Variants in LRRC7 observed in about 807,000 individuals in gnomAD.
LRRC7 encodes the protein leucine-rich repeat-containing protein 7.
In LRRC7, 23 loss-of-function variants were observed where a neutral mutation model predicts 175.7. The observed-to-expected ratio is 0.13, with a 90% confidence interval of 0.09 to 0.19. LRRC7 has a LOEUF of 0.19. Among genes scored for constraint, LRRC7 ranks in the 10% least tolerant of loss-of-function variants. LRRC7 has a pLI of 1.00. For synonymous variants in LRRC7, 685 were observed against 680.9 expected (o/e 1.01, Z -0.09); for missense variants, 1,354 against 1,904.7 (o/e 0.71, Z 5.38).
At chr1:69,815,461 G>A (rs1394013479) in intron 4 of LRRC7, among the ~76,000 whole-genome samples, 1 of 151,988 alleles carries the variant, frequency 6.6e-6, no homozygotes, top group Non-Finnish European at 1.5e-5. Context: ...CCACCTGTTT[G>A]GTAAGAACAA....
At chr1:69,773,435 G>T (rs1014945083) in intron 3 of LRRC7, among the ~76,000 whole-genome samples, 3 of 152,200 alleles carry the variant, frequency 2.0e-5, no homozygotes, top group African/African-American at 4.8e-5. Context: ...GAAATGCTGT[G>T]AGCTGAAAGG....
chr1:69,798,189 G>A (rs1676031591), intron 4 of LRRC7, among the ~76,000 whole-genome samples: 1 of 152,004 alleles, frequency 6.6e-6, no homozygotes, highest in Admixed American at 6.6e-5. Flanking sequence ...CAAAGTGCTG[G>A]GATTACAGGC....
intron 7 of LRRC7, among the ~76,000 whole-genome samples, chr1:69,856,707 C>T (rs1195267537): frequency 6.6e-6 from 1 of 152,180 alleles, no homozygotes; most frequent in Non-Finnish European, 1.5e-5. Flanking sequence ...GGTACCATTC[C>T]TTCTGAAACT....
At chr1:69,668,453 T>G (rs1460661358) in intron 1 of LRRC7, among the ~76,000 whole-genome samples, 1 of 152,206 alleles carries the variant, frequency 6.6e-6, no homozygotes, top group Admixed American at 6.5e-5. Context: ...GTTTCATCCA[T>G]GTCCCTGCAA....
rs1292036234 is a variant in LRRC7 at position 70,129,136 on chromosome 1, A to G, written c.*7249A>G. On this transcript the variant is annotated 3_prime_UTR_variant, in exon 27 of 27. Transcript: ENST00000651989. ...GTGGCGCGCACCTGTAATCCTAGTTACTGGGGAGGCTGAGGCAGGAGAATT... is the reference window on the plus strand; with the variant it reads ...GTGGCGCGCACCTGTAATCCTAGTTGCTGGGGAGGCTGAGGCAGGAGAATT... Among the ~76,000 whole-genome samples, 1 of 151,852 alleles carries G rather than the reference A, an allele frequency of 6.6e-6. No individual in the cohort carries two copies. Among genetic ancestry groups the G allele is most frequent in the Non-Finnish European group, 1.5e-5 (1 of 67,988 alleles).
chr1:70,079,735 G>C (rs1571265047), intron 24 of LRRC7, among the ~76,000 whole-genome samples: 1 of 152,272 alleles, frequency 6.6e-6, no homozygotes. Context: ...CTGTAGAGTT[G>C]CATAAGGTCC....
chr1:69,694,379 A>G (rs1165112531), intron 2 of LRRC7, among the ~76,000 whole-genome samples: 1 of 151,824 alleles, frequency 6.6e-6, no homozygotes, highest in Admixed American at 6.6e-5. Context: ...AATTGCTCTC[A>G]CTCTGGACTT....
At chr1:69,916,832 CAAAT>C (rs1441466190) in intron 7 of LRRC7, among the ~76,000 whole-genome samples, 1 of 151,816 alleles carries the variant, frequency 6.6e-6, no homozygotes, top group African/African-American at 2.4e-5. Context: ...AACAAATAAA[CAAAT>C]AAAAACTAAG....
intron 2 of LRRC7, among the ~76,000 whole-genome samples, chr1:69,752,395 T>A (rs775211899): frequency 1.3e-5 from 2 of 152,210 alleles, no homozygotes; most frequent in African/African-American, 2.4e-5. Context: ...CCTTTGTCTC[T>A]TTCTCTTTCC....
Position 69,781,725 on chromosome 1 carries a change from AAGAAAGAAAGAGAG to A in LRRC7, c.304-10314_304-10301del, listed in dbSNP as rs1313682425. On this transcript the variant is annotated intron_variant, in intron 3 of 26. Coordinates refer to ENST00000651989, the MANE Select transcript of LRRC7 (RefSeq NM_001370785.2). ...AAAGAAAGAAAGAAAGAAAGAAAGA[AAGAAAGAAAGAGAG>A]AGAGAGAGAGAGAGAGAGAGAGAGA... 1.9e-3 allele frequency among the ~76,000 whole-genome samples: 64 copies of A among 34,112 alleles called. 11 individuals are homozygous for A. Among genetic ancestry groups the A allele is most frequent in the African/African-American group, 4.3e-3 (25 of 5,834 alleles). 22.4% of individuals were successfully genotyped at this position (34,112 alleles called of 152,430 possible).
At chr1:70,037,485 T>C (rs899113147) in intron 20 of LRRC7, among the ~76,000 whole-genome samples, 1 of 152,216 alleles carries the variant, frequency 6.6e-6, no homozygotes, top group Non-Finnish European at 1.5e-5. Flanking sequence ...ATAATTTACA[T>C]TCTACAAAAC....
intron 13 of LRRC7, chr1:70,014,277 G>T (rs370790684): frequency 1.3e-5 from 2 of 151,810 alleles, no homozygotes; most frequent in East Asian, 1.9e-4. Flanking sequence ...TTCATTCATC[G>T]TATGCAAAAT....
intron 1 of LRRC7, among the ~76,000 whole-genome samples, chr1:69,674,436 T>C (rs967352815): frequency 2.6e-5 from 4 of 152,116 alleles, no homozygotes; most frequent in Non-Finnish European, 4.4e-5. Flanking sequence ...ATGAAGTAAA[T>C]GGTAAATGGT....
At chr1:69,804,333 A>T (rs1419190123) in intron 4 of LRRC7, among the ~76,000 whole-genome samples, 1 of 151,406 alleles carries the variant, frequency 6.6e-6, no homozygotes, top group African/African-American at 2.4e-5. Flanking sequence ...TACATTATAA[A>T]CTTCTCTAAG....
intron 1 of LRRC7, among the ~76,000 whole-genome samples, chr1:69,637,945 C>G (rs1332099148): frequency 6.6e-6 from 1 of 151,750 alleles, no homozygotes; most frequent in Non-Finnish European, 1.5e-5. Context: ...GTTTAAGAGC[C>G]TCGCCTGAGA....
chr1:70,088,683 G>A (rs1663793286), intron 24 of LRRC7, among the ~76,000 whole-genome samples: 1 of 152,042 alleles, frequency 6.6e-6, no homozygotes, highest in Non-Finnish European at 1.5e-5. Flanking sequence ...CACTTTACCT[G>A]GAGAACTAAC....
rs572907018 is a variant in LRRC7 at position 70,139,260 on chromosome 1, A to G, written c.*17373A>G. On this transcript the variant is annotated 3_prime_UTR_variant, in exon 27 of 27. Transcript: ENST00000651989. Reference sequence around the variant, plus strand: ...TCAGAATTCAGATTCAGAATTAAGTACTCTTGGGATAAAGGAAATTAACGA... The same window carrying G: ...TCAGAATTCAGATTCAGAATTAAGTGCTCTTGGGATAAAGGAAATTAACGA... 6.6e-6 allele frequency: 1 copy of G among 152,122 alleles called. No homozygotes were observed. The highest frequency in any genetic ancestry group is 1.5e-5 in the Non-Finnish European group (1 of 68,016). 9.4% of individuals were successfully genotyped at this position (152,122 alleles called of 1,614,324 possible). A position where few individuals can be genotyped will look rare whatever the true frequency, so the allele number is the denominator to read the frequency against.
chr1:69,642,811 C>CATAGATAG (rs142950544), intron 1 of LRRC7, among the ~76,000 whole-genome samples: 38,928 of 147,058 alleles, frequency 0.26, 5,229 homozygotes, highest in Middle Eastern at 0.32. Flanking sequence ...ACAGATGATA[C>CATAGATAG]ATAGATAGAT....
At position 70,110,827 on chromosome 1, in the gene LRRC7, G is replaced by A. The variant is rs182396238; in HGVS notation, c.4620+3001G>A. Among the ~76,000 whole-genome samples, 612 of 152,262 alleles carry A rather than the reference G, an allele frequency of 4.0e-3. 5 individuals are homozygous for A. The highest frequency in any genetic ancestry group is 0.014 in the African/African-American group (579 of 41,536). On this transcript the variant is annotated intron_variant, in intron 26 of 26. Transcript: ENST00000651989. Reference sequence around the variant, plus strand: ...ATACTTTCTGAAAGAAACGAGAATGGCTAATTCTAAAATGAAATTGTTTGC... The same window carrying A: ...ATACTTTCTGAAAGAAACGAGAATGACTAATTCTAAAATGAAATTGTTTGC...
Sources: allele counts gnomAD v4.1 joint callset (sites outside exome capture counted in the v4.1 genomes callset), GRCh38; gene constraint gnomAD v4.1.1; transcripts MANE v1.5; gene names NCBI Gene and HGNC (gene_info 2026-07-23, HGNC 2026-07-21).